SLC6A3: variants seen among roughly 807,000 people sequenced by gnomAD.
The protein encoded by SLC6A3 is sodium-dependent dopamine transporter.
In SLC6A3, 19 loss-of-function variants were observed where a neutral mutation model predicts 70.4. The ratio of observed to expected loss-of-function variants is 0.27; its 90% CI spans 0.19 to 0.40. The LOEUF (loss-of-function observed/expected upper bound fraction) is 0.40, where lower values mean the gene tolerates loss of function less well. Ranked by LOEUF, SLC6A3 falls within the 10% of genes least tolerant of loss-of-function variation. The pLI is 1.00. For synonymous variants in SLC6A3, 368 were observed against 356.6 expected (o/e 1.03, Z -0.36); for missense variants, 613 against 838.5 (o/e 0.73, Z 3.32).
At position 1,438,028 on chromosome 5, in the gene SLC6A3, G is replaced by A. The variant is rs1240146075; in HGVS notation, c.418+3331C>T. ...TCAGTCTCCTCTAAACTGGCATCCT[G>A]CGCTTGACAGGTAGGCAGAACAAAC... is the stretch of plus-strand genomic sequence containing the variant. On this transcript the variant is annotated intron_variant, in intron 3 of 14. Transcript: ENST00000270349. The surrounding 1 kb of genome is among the most constrained non-coding windows in gnomAD (Gnocchi z 6.5). Among the ~76,000 whole-genome samples the A allele has an allele frequency of 6.6e-6, 1 of 152,224 alleles. No individual in the cohort carries two copies. Among genetic ancestry groups the A allele is most frequent in the Non-Finnish European group, 1.5e-5 (1 of 68,046 alleles).
intron 4 of SLC6A3, among the ~76,000 whole-genome samples, chr5:1,426,776 G>A (rs942113359): frequency 6.6e-6 from 1 of 152,176 alleles, no homozygotes; most frequent in Admixed American, 6.5e-5. Context: ...TAGCTGCCAG[G>A]GGCTGCAGTG....
chr5:1,431,042 G>A (rs556279892), intron 4 of SLC6A3, among the ~76,000 whole-genome samples: 127 of 152,184 alleles, frequency 8.3e-4, no homozygotes, highest in Non-Finnish European at 1.6e-3. Context: ...GGGAAACACT[G>A]GATCTGGGGA....
rs569449432 is a variant in SLC6A3 at position 1,422,716 on chromosome 5, G to A, written c.654-702C>T. On this transcript the variant is annotated intron_variant, in intron 4 of 14. Coordinates refer to ENST00000270349, the MANE Select transcript of SLC6A3 (RefSeq NM_001044.5). ...GGTGCCCACCACTGCCCACAGTGCTGCCCACGGTGCTGGGTGCCCACCGCT... is the reference window on the plus strand; with the variant it reads ...GGTGCCCACCACTGCCCACAGTGCTACCCACGGTGCTGGGTGCCCACCGCT... Among the ~76,000 whole-genome samples the A allele has an allele frequency of 5.9e-4, 42 of 71,052 alleles. 8 individuals are homozygous for A. In the East Asian group the frequency reaches 0.023, roughly 38 times the overall value. 46.6% of individuals were successfully genotyped at this position (71,052 alleles called of 152,430 possible).
chr5:1,431,815 C>T (rs968681287), intron 4 of SLC6A3, among the ~76,000 whole-genome samples: 23 of 152,126 alleles, frequency 1.5e-4, no homozygotes, highest in Non-Finnish European at 2.9e-5. Context: ...GAGACAGAGA[C>T]CCAGGAGGCT....
rs780942176 is a variant in SLC6A3, at chr5:1,394,709, T to A, written c.*26A>T. 3.1e-6 allele frequency: 5 copies of A among 1,613,004 alleles called. No individual in the cohort carries two copies. Among genetic ancestry groups the A allele is most frequent in the Middle Eastern group, 1.7e-4 (1 of 6,060 alleles). ...GTGTCTCTCCCATTGCAGGATGACT[T>A]CCTGGGGTCTTCGTCTCTGCTCCCT... is the stretch of plus-strand genomic sequence containing the variant. On this transcript the variant is annotated 3_prime_UTR_variant, in exon 15 of 15. Transcript: ENST00000270349. This position sits in a 1 kb window ranked among gnomAD's most constrained non-coding sequence, Gnocchi z 4.7.
rs1053370934 is a variant in SLC6A3, at chr5:1,437,523, C to A, written c.418+3836G>T. 1.4e-4 allele frequency among the ~76,000 whole-genome samples: 22 copies of A among 152,168 alleles called. No individual in the cohort carries two copies. Among genetic ancestry groups the A allele is most frequent in the South Asian group, 2.1e-4 (1 of 4,830 alleles). ...GACGGAGAGTTTTAAAGACCCACCT[C>A]TCAGGACCCTGGGGTGCACTGCGGG... On this transcript the variant is annotated intron_variant, in intron 3 of 14. Coordinates refer to ENST00000270349, the MANE Select transcript of SLC6A3 (RefSeq NM_001044.5). The surrounding 1 kb of genome is among the most constrained non-coding windows in gnomAD (Gnocchi z 4.8).
chr5:1,395,621 C>A (rs1755698282), intron 14 of SLC6A3, among the ~76,000 whole-genome samples: 1 of 152,198 alleles, frequency 6.6e-6, no homozygotes, highest in Non-Finnish European at 1.5e-5. Flanking sequence ...CCGGCACAGG[C>A]AGCATCCAGG....
chr5:1,430,310 C>T (rs1452884774), intron 4 of SLC6A3, among the ~76,000 whole-genome samples: 1 of 152,216 alleles, frequency 6.6e-6, no homozygotes, highest in East Asian at 1.9e-4. Context: ...ACACAACGCT[C>T]ACCCCACGCG....
At position 1,404,597 on chromosome 5, in the gene SLC6A3, G is replaced by A. The variant is rs143069584; in HGVS notation, c.1600-1508C>T. On this transcript the variant is annotated intron_variant, in intron 12 of 14. Transcript: ENST00000270349. The surrounding 1 kb of genome is among the most constrained non-coding windows in gnomAD (Gnocchi z 5.2). ...AGAGTCATCTGAACGAGACTGGGGCGTGTACACCCCTTACGACCAGAGGTT... is the reference window on the plus strand; with the variant it reads ...AGAGTCATCTGAACGAGACTGGGGCATGTACACCCCTTACGACCAGAGGTT... Among the ~76,000 whole-genome samples, 35 of 152,336 alleles carry A rather than the reference G, an allele frequency of 2.3e-4. No homozygotes were observed. The East Asian group carries it at 5.0e-3, about 22-fold the overall frequency.
chr5:1,443,914 T>C (rs947766590), intron 1 of SLC6A3, among the ~76,000 whole-genome samples: 7 of 152,052 alleles, frequency 4.6e-5, no homozygotes, highest in African/African-American at 1.4e-4. Context: ...CCAAGGCTGG[T>C]TTTGAACTCC....
chr5:1,405,635 C>T lies in SLC6A3; in HGVS notation c.1599+553G>A, dbSNP rs771047701. Reference sequence around the variant, plus strand: ...ATGAAAGTGTGCGGCCACCTTCCAACAAAACTCTATTTACAAACACCAGCG... The same window carrying T: ...ATGAAAGTGTGCGGCCACCTTCCAATAAAACTCTATTTACAAACACCAGCG... On this transcript the variant is annotated intron_variant, in intron 12 of 14. Transcript: ENST00000270349. This position sits in a 1 kb window ranked among gnomAD's most constrained non-coding sequence, Gnocchi z 5.3. Among the ~76,000 whole-genome samples, 4 of 152,214 alleles carry T rather than the reference C, an allele frequency of 2.6e-5. No homozygotes were observed. Among genetic ancestry groups the T allele is most frequent in the Non-Finnish European group, 4.4e-5 (3 of 68,032 alleles).
At chr5:1,395,583 C>T (rs561342352) in intron 14 of SLC6A3, among the ~76,000 whole-genome samples, 329 of 152,162 alleles carry the variant, frequency 2.2e-3, no homozygotes, top group South Asian at 0.014. Context: ...AGGGGTCTAC[C>T]GGGGGCCTGG....
rs563451980 is a variant in SLC6A3 at position 1,416,951 on chromosome 5, C to T, written c.928-750G>A. On this transcript the variant is annotated intron_variant, in intron 6 of 14. Coordinates refer to ENST00000270349, the MANE Select transcript of SLC6A3 (RefSeq NM_001044.5). Reference sequence around the variant, plus strand: ...GGCACCCTGATAACCCTCAGAAAGTCATGAACTCATCCACACACAACATGA... The same window carrying T: ...GGCACCCTGATAACCCTCAGAAAGTTATGAACTCATCCACACACAACATGA... 1.4e-4 allele frequency among the ~76,000 whole-genome samples: 21 copies of T among 152,276 alleles called. No individual in the cohort carries two copies. The East Asian group carries it at 2.9e-3, about 21-fold the overall frequency.
chr5:1,416,342 G>A lies in SLC6A3; in HGVS notation c.928-141C>T, dbSNP rs1170748481. 3.8e-5 allele frequency: 27 copies of A among 705,600 alleles called. 1 individual carries two copies. Among genetic ancestry groups the A allele is most frequent in the South Asian group, 1.2e-4 (8 of 66,936 alleles). The allele number at this position is 705,600 out of a possible 1,614,324, so 43.7% of individuals were successfully genotyped here. A position where few individuals can be genotyped will look rare whatever the true frequency, so the allele number is the denominator to read the frequency against. On this transcript the variant is annotated intron_variant, in intron 6 of 14. Coordinates refer to ENST00000270349, the MANE Select transcript of SLC6A3 (RefSeq NM_001044.5). ...CCTCAAGAAGTAAATGGCAGCAGAC[G>A]ACTGGTGGAAGATGCAGCCTCAGGA...
rs376234794 is a variant in SLC6A3, at chr5:1,409,706, G to A, written c.1398+15C>T. ...GACATGACCAGGAGAAGGCGAAGCC[G>A]GCGATGGTACGTACGTTGGTGACGC... On this transcript the variant is annotated intron_variant, in intron 10 of 14. Transcript: ENST00000270349. 71 of 1,612,986 alleles carry A rather than the reference G, an allele frequency of 4.4e-5. No homozygotes were observed. The highest frequency in any genetic ancestry group is 1.7e-4 in the Middle Eastern group (1 of 6,060).
rs775676392 is a variant in SLC6A3, at chr5:1,401,327, G to A, written c.1768-341C>T. The A allele has an allele frequency of 5.6e-6, 3 of 533,386 alleles. No homozygotes were observed. Among genetic ancestry groups the A allele is most frequent in the South Asian group, 1.5e-5 (1 of 64,924 alleles). 33.0% of individuals were successfully genotyped at this position (533,386 alleles called of 1,614,324 possible). A position where few individuals can be genotyped will look rare whatever the true frequency, so the allele number is the denominator to read the frequency against. ...GAGTCTAAGCTACCACGTGTGCTGGGCTCTGAGTAAGAAAGTGCCCACACC... is the reference window on the plus strand; with the variant it reads ...GAGTCTAAGCTACCACGTGTGCTGGACTCTGAGTAAGAAAGTGCCCACACC... On this transcript the variant is annotated intron_variant, in intron 13 of 14. Coordinates refer to ENST00000270349, the MANE Select transcript of SLC6A3 (RefSeq NM_001044.5). This position sits in a 1 kb window ranked among gnomAD's most constrained non-coding sequence, Gnocchi z 6.1.
intron 6 of SLC6A3, among the ~76,000 whole-genome samples, chr5:1,418,954 A>T (rs897988821): frequency 1.4e-5 from 2 of 147,360 alleles, no homozygotes; most frequent in Non-Finnish European, 3.0e-5. Context: ...CCATCCATCC[A>T]TCCATGCTAT....
chr5:1,420,809 G>T, intron 5 of SLC6A3, 106 bp from the exon 6 acceptor site: 1 of 1,225,926 alleles, frequency 8.2e-7, no homozygotes, highest in Non-Finnish European at 1.2e-6. Flanking sequence ...CCTCTGATTG[G>T]GAGGCCCAAT....
chr5:1,430,128 C>T (rs1358255262), intron 4 of SLC6A3, among the ~76,000 whole-genome samples: 1 of 152,132 alleles, frequency 6.6e-6, no homozygotes, highest in Admixed American at 6.6e-5. Context: ...TCTTCTCTCC[C>T]GCCTGCCCCA....
Sources: gnomAD v4.1 joint callset for allele counts (sites outside exome capture counted in the v4.1 genomes callset) on GRCh38, gnomAD v4.1.1 for gene constraint, Gnocchi (gnomAD v3.1) non-coding constraint, MANE v1.5 for transcripts, NCBI Gene and HGNC (gene_info 2026-07-23, HGNC 2026-07-21) for gene names.